Variants in ADGRL3 observed in about 807,000 individuals in gnomAD.
The protein encoded by ADGRL3 is adhesion G protein-coupled receptor L3.
ADGRL3 carries 62 observed loss-of-function variants against 153.5 expected under a neutral mutation model. The observed-to-expected ratio is 0.40, with a 90% confidence interval of 0.33 to 0.50. The LOEUF is 0.50. Ranked by LOEUF, ADGRL3 falls within the 20% of genes least tolerant of loss-of-function variation. The pLI is 0.47. For synonymous variants in ADGRL3, 710 were observed against 672.5 expected, an observed-to-expected ratio of 1.06 and a Z score of -0.86; for missense variants, 1,641 against 1,859.4, an observed-to-expected ratio of 0.88 and a Z score of 2.16.
rs188742064 is a variant in ADGRL3 at position 61,669,534 on chromosome 4, T to C, written c.474-7292T>C. On this transcript the variant is annotated intron_variant, in intron 5 of 26. Transcript: ENST00000683033. ...TAAACTATTTTGAGATTTTAAACAT[T>C]AATATTATATGATGTGGCTTTTTAA... is the stretch of plus-strand genomic sequence containing the variant. 9.8e-4 allele frequency among the ~76,000 whole-genome samples: 149 copies of C among 152,300 alleles called. No homozygotes were observed. In the Middle Eastern group the frequency reaches 0.014, roughly 14 times the overall value.
At chr4:61,331,647 A>G (rs1236827275) in intron 1 of ADGRL3, among the ~76,000 whole-genome samples, 5 of 152,144 alleles carry the variant, frequency 3.3e-5, no homozygotes. Flanking sequence ...TTTGCCATAT[A>G]GATATTTGAA....
chr4:61,817,044 C>T (rs1250695901), intron 9 of ADGRL3, among the ~76,000 whole-genome samples: 1 of 152,116 alleles, frequency 6.6e-6, no homozygotes, highest in Non-Finnish European at 1.5e-5. Context: ...GACATCCCAG[C>T]CCCACTCCAC....
At chr4:61,278,425 G>A (rs780797180) in intron 1 of ADGRL3, among the ~76,000 whole-genome samples, 16 of 152,164 alleles carry the variant, frequency 1.1e-4, no homozygotes, top group Non-Finnish European at 2.1e-4. Flanking sequence ...TCTAGTAGTA[G>A]TCTCAGTGTT....
chr4:61,423,519 G>A (rs1258479315), intron 2 of ADGRL3, among the ~76,000 whole-genome samples: 3 of 152,184 alleles, frequency 2.0e-5, no homozygotes, highest in Non-Finnish European at 4.4e-5. Context: ...TGTCATCTGA[G>A]CCTTGATGAA....
chr4:61,447,668 A>G (rs1030483421), intron 2 of ADGRL3, among the ~76,000 whole-genome samples: 1 of 152,206 alleles, frequency 6.6e-6, no homozygotes, highest in Non-Finnish European at 1.5e-5. Flanking sequence ...AGGGAAATGG[A>G]GTATAAATCA....
intron 2 of ADGRL3, among the ~76,000 whole-genome samples, chr4:61,433,573 A>G (rs2097403567): frequency 6.6e-6 from 1 of 152,070 alleles, no homozygotes; most frequent in South Asian, 2.1e-4. Context: ...ATATATTTGC[A>G]TTTATTCCTT....
chr4:61,341,798 A>T (rs567477021), intron 1 of ADGRL3, among the ~76,000 whole-genome samples: 6 of 152,186 alleles, frequency 3.9e-5, no homozygotes, highest in Middle Eastern at 3.4e-3. Context: ...CATACTTTAA[A>T]CATAGCTGCA....
At chr4:61,457,217 A>T (rs901173774) in intron 2 of ADGRL3, among the ~76,000 whole-genome samples, 1 of 152,002 alleles carries the variant, frequency 6.6e-6, no homozygotes, top group Non-Finnish European at 1.5e-5. Context: ...AAATAGAGTT[A>T]TTTAGTAGTT....
chr4:61,281,168 G>A (rs989089961), intron 1 of ADGRL3, among the ~76,000 whole-genome samples: 14 of 139,520 alleles, frequency 1.0e-4, no homozygotes, highest in African/African-American at 3.7e-4. Context: ...ACTATTTTCA[G>A]TTTTTTAAAA....
At chr4:61,536,062 T>C (rs890191970) in intron 4 of ADGRL3, among the ~76,000 whole-genome samples, 1 of 151,976 alleles carries the variant, frequency 6.6e-6, no homozygotes, top group Non-Finnish European at 1.5e-5. Context: ...TTTGCTGTAT[T>C]CCAGAGGGTT....
intron 1 of ADGRL3, among the ~76,000 whole-genome samples, chr4:61,311,436 G>A (rs2150533789): frequency 6.6e-6 from 1 of 152,270 alleles, no homozygotes; most frequent in South Asian, 2.1e-4. Context: ...TTACTGCAAG[G>A]GATCTGGGAA....
chr4:61,271,347 C>A (rs1376957447), intron 1 of ADGRL3, among the ~76,000 whole-genome samples: 4 of 151,894 alleles, frequency 2.6e-5, no homozygotes, highest in Non-Finnish European at 4.4e-5. Flanking sequence ...AACTATAACT[C>A]CCCTAGAGCT....
At chr4:61,690,738 G>T (rs1161244201) in intron 6 of ADGRL3, among the ~76,000 whole-genome samples, 1 of 151,874 alleles carries the variant, frequency 6.6e-6, no homozygotes, top group African/African-American at 2.4e-5. Context: ...ATTGCTCAAG[G>T]ACCAAAAGAA....
At chr4:61,655,993 T>G (rs2094432569) in intron 5 of ADGRL3, among the ~76,000 whole-genome samples, 1 of 152,198 alleles carries the variant, frequency 6.6e-6, no homozygotes, top group Non-Finnish European at 1.5e-5. Context: ...AATTCAGGAT[T>G]GGTGGTTGAC....
At chr4:62,006,758 A>G (rs1373809456) in intron 21 of ADGRL3, among the ~76,000 whole-genome samples, 1 of 152,110 alleles carries the variant, frequency 6.6e-6, no homozygotes, top group Non-Finnish European at 1.5e-5. Context: ...TTTGAAAAAA[A>G]TACAACAGTG....
At chr4:61,967,002 G>A (rs1232591699) in intron 17 of ADGRL3, among the ~76,000 whole-genome samples, 3 of 152,050 alleles carry the variant, frequency 2.0e-5, no homozygotes, top group African/African-American at 7.2e-5. Flanking sequence ...TTTTTAGAGA[G>A]CCAATGGGAA....
intron 4 of ADGRL3, among the ~76,000 whole-genome samples, chr4:61,575,060 A>G (rs190339130): frequency 2.6e-4 from 39 of 152,014 alleles, no homozygotes; most frequent in African/African-American, 8.7e-4. Context: ...CTGTATTGGA[A>G]TATTCTTACA....
chr4:61,448,875 A>AGGG (rs2097635897), intron 2 of ADGRL3, among the ~76,000 whole-genome samples: 6 of 39,622 alleles, frequency 1.5e-4, no homozygotes, highest in Admixed American at 4.5e-4. Context: ...GGAAGGAAGG[A>AGGG]AAGGAAGGAA....
chr4:61,856,950 C>CTCTTTCTTTCTT (rs55713412), intron 9 of ADGRL3, among the ~76,000 whole-genome samples: 942 of 56,980 alleles, frequency 0.017, 14 homozygotes, highest in East Asian at 0.039. Context: ...CTTTCTTCTT[C>CTCTTTCTTTCTT]TCTTTCTTTC....
Sources: allele counts gnomAD v4.1 joint callset (sites outside exome capture counted in the v4.1 genomes callset), GRCh38; gene constraint gnomAD v4.1.1; transcripts MANE v1.5; gene names NCBI Gene and HGNC (gene_info 2026-07-23, HGNC 2026-07-21).